Variants in PRKN observed in about 807,000 individuals in gnomAD.
The protein encoded by PRKN is parkin RBR E3 ubiquitin protein ligase, also known as E3 ubiquitin-protein ligase parkin.
In PRKN, 56 loss-of-function variants were observed where a neutral mutation model predicts 59.5. The ratio of observed to expected loss-of-function variants is 0.94; its 90% CI spans 0.76 to 1.18. The LOEUF is 1.18. Among genes scored for constraint, PRKN ranks in the 50% most tolerant of loss-of-function variants. PRKN has a pLI of 0.00. For synonymous variants in PRKN, 250 were observed against 222.1 expected, an observed-to-expected ratio of 1.13 and a Z score of -1.12; for missense variants, 657 against 596.4, an observed-to-expected ratio of 1.10 and a Z score of -1.06.
At chr6:162,419,466 A>C (rs942959696) in intron 2 of PRKN, among the ~76,000 whole-genome samples, 1 of 152,172 alleles carries the variant, frequency 6.6e-6, no homozygotes, top group East Asian at 1.9e-4. Flanking sequence ...TAAATGTACA[A>C]GAATAAGACA....
intron 1 of PRKN, among the ~76,000 whole-genome samples, chr6:162,664,595 G>A (rs757158578): frequency 2.2e-4 from 33 of 152,198 alleles, no homozygotes; most frequent in Admixed American, 2.6e-4. Context: ...TCTGACTGGC[G>A]TGGCATGGTA....
intron 10 of PRKN, among the ~76,000 whole-genome samples, chr6:161,375,073 A>C (rs867624758): frequency 3.6e-4 from 55 of 151,546 alleles, no homozygotes; most frequent in African/African-American, 1.3e-3. Context: ...CCTACAGGTG[A>C]GTGAGCTCAG....
chr6:161,433,241 A>T (rs1788731759), intron 9 of PRKN, among the ~76,000 whole-genome samples: 1 of 152,228 alleles, frequency 6.6e-6, no homozygotes, highest in African/African-American at 2.4e-5. Flanking sequence ...GAAGAAATTC[A>T]TATTGAGGGC....
chr6:162,510,195 T>C (rs1022487795), intron 1 of PRKN, among the ~76,000 whole-genome samples: 3 of 152,254 alleles, frequency 2.0e-5, no homozygotes, highest in African/African-American at 7.2e-5. Context: ...GACGTTTTTA[T>C]TTACTTAATC....
At chr6:161,672,101 C>A (rs1784931104) in intron 7 of PRKN, among the ~76,000 whole-genome samples, 1 of 152,120 alleles carries the variant, frequency 6.6e-6, no homozygotes. Context: ...ACAAATCAAC[C>A]ACACTAATAA....
chr6:161,640,202 T>C (rs1302972100), intron 7 of PRKN, among the ~76,000 whole-genome samples: 3 of 152,244 alleles, frequency 2.0e-5, no homozygotes, highest in Non-Finnish European at 4.4e-5. Flanking sequence ...ATACTTTTTC[T>C]TCTCTTCCAC....
At chr6:162,643,781 CTT>C (rs1345936438) in intron 1 of PRKN, 1 of 151,992 alleles carries the variant, frequency 6.6e-6, no homozygotes, top group Non-Finnish European at 1.5e-5. Context: ...TTTGCTGAAG[CTT>C]TTTGTCTTCT....
rs1282084953 is a variant in PRKN, at chr6:161,480,140, C to T, written c.1083+68714G>A. On this transcript the variant is annotated intron_variant, in intron 9 of 11. Transcript: ENST00000366898. The surrounding 1 kb of genome is among the most constrained non-coding windows in gnomAD (Gnocchi z 4.1). ...AATGAACTTTTGTTGGGTGAAGCCA[C>T]TGAGATTTTGGAGTATTTATTATCA... 6.6e-6 allele frequency among the ~76,000 whole-genome samples: 1 copy of T among 152,202 alleles called. No homozygotes were observed. Among genetic ancestry groups the T allele is most frequent in the Non-Finnish European group, 1.5e-5 (1 of 68,038 alleles).
intron 9 of PRKN, among the ~76,000 whole-genome samples, chr6:161,464,836 C>T (rs898674400): frequency 1.3e-5 from 2 of 152,184 alleles, no homozygotes; most frequent in Non-Finnish European, 2.9e-5. Flanking sequence ...CAGGTAAAAC[C>T]ATCAGGCAAT....
At chr6:161,673,876 G>C (rs1046265396) in intron 7 of PRKN, among the ~76,000 whole-genome samples, 1 of 152,196 alleles carries the variant, frequency 6.6e-6, no homozygotes. Flanking sequence ...TGGAGGTGAT[G>C]ATGACTGAAG....
intron 5 of PRKN, among the ~76,000 whole-genome samples, chr6:161,976,653 C>T (rs942742387): frequency 6.6e-6 from 1 of 152,114 alleles, no homozygotes; most frequent in Non-Finnish European, 1.5e-5. Context: ...AACACCAAAA[C>T]GAAAAGTCTG....
chr6:161,778,630 C>A (rs1348893359), intron 7 of PRKN, among the ~76,000 whole-genome samples: 1 of 152,128 alleles, frequency 6.6e-6, no homozygotes, highest in African/African-American at 2.4e-5. Flanking sequence ...AGATTCCATA[C>A]GTCAAAGACA....
intron 1 of PRKN, among the ~76,000 whole-genome samples, chr6:162,618,128 G>T (rs1182129761): frequency 2.6e-5 from 4 of 152,066 alleles, no homozygotes; most frequent in Admixed American, 2.6e-4. Context: ...ACTATTACAT[G>T]CCTCTTTCTG....
chr6:162,306,916 T>C (rs1400522254), intron 2 of PRKN, among the ~76,000 whole-genome samples: 2 of 152,174 alleles, frequency 1.3e-5, no homozygotes, highest in South Asian at 2.1e-4. Context: ...TGTCCAGGTG[T>C]GTTGTTTAAC....
chr6:161,555,423 T>TGTTG (rs1780198343), intron 8 of PRKN, among the ~76,000 whole-genome samples: 1 of 151,792 alleles, frequency 6.6e-6, no homozygotes, highest in Non-Finnish European at 1.5e-5. Flanking sequence ...TTGCTGTTGC[T>TGTTG]CAGTTTTACA....
At chr6:162,519,185 C>G (rs1038214468) in intron 1 of PRKN, among the ~76,000 whole-genome samples, 2 of 152,028 alleles carry the variant, frequency 1.3e-5, no homozygotes, top group Admixed American at 6.6e-5. Flanking sequence ...AACAAACAAA[C>G]AAAAACCTAC....
intron 1 of PRKN, among the ~76,000 whole-genome samples, chr6:162,688,626 G>A (rs908828427): frequency 1.5e-4 from 23 of 152,102 alleles, no homozygotes; most frequent in African/African-American, 5.6e-4. Flanking sequence ...CCATCTCCTT[G>A]TGTAGCACAG....
chr6:162,571,976 C>T (rs1048954088), intron 1 of PRKN, among the ~76,000 whole-genome samples: 1 of 151,920 alleles, frequency 6.6e-6, no homozygotes, highest in African/African-American at 2.4e-5. Context: ...AATGCTTAGA[C>T]AAATTTGGAA....
Position 161,822,625 on chromosome 6 carries a change from G to A in PRKN, c.735-36717C>T, listed in dbSNP as rs1002346840. ...TTGGAGGCAGAGGTTGCAGTGAGCC[G>A]AGGTTGCACCACTACATTCTAGTCT... On this transcript the variant is annotated intron_variant, in intron 6 of 11. Transcript: ENST00000366898. 8.5e-5 allele frequency among the ~76,000 whole-genome samples: 13 copies of A among 152,232 alleles called. No homozygotes were observed. The East Asian group carries it at 9.7e-4, about 11-fold the overall frequency.
Sources: gnomAD v4.1 joint callset for allele counts (sites outside exome capture counted in the v4.1 genomes callset) on GRCh38, gnomAD v4.1.1 for gene constraint, Gnocchi (gnomAD v3.1) non-coding constraint, MANE v1.5 for transcripts, NCBI Gene and HGNC (gene_info 2026-07-23, HGNC 2026-07-21) for gene names.